Variants in FIGN observed in about 807,000 individuals in gnomAD.
FIGN encodes the protein fidgetin, microtubule severing factor.
In FIGN, 11 loss-of-function variants were observed where a neutral mutation model predicts 51.3. That is an observed-to-expected ratio of 0.21 (90% confidence interval 0.13 to 0.35). FIGN has a LOEUF of 0.35. FIGN is among the 10% of genes least tolerant of loss of function. The pLI is 1.00. For synonymous variants in FIGN, 407 were observed against 363.2 expected (o/e 1.12, Z -1.37); for missense variants, 857 against 943.6 (o/e 0.91, Z 1.20).
Position 163,611,509 on chromosome 2 carries a change from G to C in FIGN, c.323C>G (p.Pro108Arg). 16 of 1,614,176 alleles carry C rather than the reference G, an allele frequency of 9.9e-6. No individual in the cohort carries two copies. Among genetic ancestry groups the C allele is most frequent in the Non-Finnish European group, 1.4e-5 (16 of 1,180,036 alleles). ...TTCTGAATTCAAGGAAGGCTGCCAG[G>C]GTTCACTTTCATTTTTCCGACCGTT... ...LVNGRKNESE[P>R]WQPSLNSEAV... Residue 108 changes from proline (P) to arginine (R), a missense_variant, in exon 3 of 3, where the codon CCC (proline) becomes CGC (arginine). Coordinates refer to ENST00000333129, the MANE Select transcript of FIGN (RefSeq NM_018086.4).
chr2:163,670,541 G>A, intron 2 of FIGN, among the ~76,000 whole-genome samples: 1 of 152,126 alleles, frequency 6.6e-6, no homozygotes, highest in South Asian at 2.1e-4. Context: ...CTTTTCCAGT[G>A]TTTAGCTTAT....
intron 2 of FIGN, among the ~76,000 whole-genome samples, chr2:163,728,435 CACA>C (rs1425661511): frequency 8.1e-6 from 1 of 123,320 alleles, no homozygotes; most frequent in Non-Finnish European, 1.8e-5. Flanking sequence ...CACACACACA[CACA>C]AAGTTCCTTT....
At chr2:163,645,385 T>C (rs1244964698) in intron 2 of FIGN, among the ~76,000 whole-genome samples, 1 of 152,138 alleles carries the variant, frequency 6.6e-6, no homozygotes, top group East Asian at 1.9e-4. Flanking sequence ...AAAACCTCTA[T>C]TTGAACCCTA....
intron 2 of FIGN, among the ~76,000 whole-genome samples, chr2:163,636,364 C>T (rs1482403810): frequency 6.6e-6 from 1 of 152,208 alleles, no homozygotes; most frequent in Non-Finnish European, 1.5e-5. Context: ...TGGCTCACCG[C>T]AACCTCTGCC....
At chr2:163,707,963 A>T (rs901858647) in intron 2 of FIGN, among the ~76,000 whole-genome samples, 1 of 152,182 alleles carries the variant, frequency 6.6e-6, no homozygotes, top group African/African-American at 2.4e-5. Context: ...TTTAAGCCAC[A>T]TTGTGATATC....
At chr2:163,711,566 G>A (rs1279940024) in intron 2 of FIGN, among the ~76,000 whole-genome samples, 2 of 150,362 alleles carry the variant, frequency 1.3e-5, no homozygotes, top group Non-Finnish European at 2.9e-5. Flanking sequence ...TCATTTGTGC[G>A]CCATGTAACC....
chr2:163,646,520 T>G (rs1425732124), intron 2 of FIGN, among the ~76,000 whole-genome samples: 2 of 152,138 alleles, frequency 1.3e-5, no homozygotes, highest in Admixed American at 6.5e-5. Flanking sequence ...AATCTCAAGA[T>G]TTTACCTGAT....
intron 2 of FIGN, among the ~76,000 whole-genome samples, chr2:163,724,980 AATATCATTCTGTGTAACAACC>A (rs1175036322): frequency 6.6e-6 from 1 of 152,144 alleles, no homozygotes; most frequent in Non-Finnish European, 1.5e-5. Flanking sequence ...CAAAATTGCC[AATATCATTCTGTGTAACAACC>A]ACATGAAAAC....
At chr2:163,634,413 TC>T (rs1334912902) in intron 2 of FIGN, among the ~76,000 whole-genome samples, 1 of 152,142 alleles carries the variant, frequency 6.6e-6, no homozygotes, top group Non-Finnish European at 1.5e-5. Context: ...ATACTTTATA[TC>T]TTTGTATATG....
At chr2:163,613,470 T>C (rs765347850) in intron 2 of FIGN, among the ~76,000 whole-genome samples, 1 of 152,120 alleles carries the variant, frequency 6.6e-6, no homozygotes, top group Non-Finnish European at 1.5e-5. Flanking sequence ...TGCCTGACTC[T>C]GGCTTCTGAC....
chr2:163,704,660 A>C (rs2015058), intron 2 of FIGN, among the ~76,000 whole-genome samples: 1 of 68,216 alleles, frequency 1.5e-5, no homozygotes, highest in Non-Finnish European at 3.0e-5. Context: ...TCTCTCTCAC[A>C]CACACACACA....
intron 2 of FIGN, among the ~76,000 whole-genome samples, chr2:163,680,717 C>T (rs1318168231): frequency 6.6e-6 from 1 of 151,984 alleles, no homozygotes; most frequent in Admixed American, 6.6e-5. Flanking sequence ...CCAATCTTCC[C>T]CCTCCCCAGA....
At chr2:163,725,619 G>A (rs1046034501) in intron 2 of FIGN, among the ~76,000 whole-genome samples, 1 of 151,848 alleles carries the variant, frequency 6.6e-6, no homozygotes, top group Admixed American at 6.6e-5. Context: ...TATATTATAT[G>A]TTGTACTGTC....
intron 2 of FIGN, among the ~76,000 whole-genome samples, chr2:163,665,360 T>C (rs1325107149): frequency 1.3e-5 from 2 of 152,268 alleles, no homozygotes; most frequent in Non-Finnish European, 2.9e-5. Context: ...TTCTGAGGGA[T>C]AGTAAACATT....
intron 2 of FIGN, among the ~76,000 whole-genome samples, chr2:163,643,596 A>G (rs1683336443): frequency 6.6e-6 from 1 of 150,938 alleles, no homozygotes; most frequent in Admixed American, 6.6e-5. Context: ...GTGGGTAGTG[A>G]GCCAAGATCA....
rs79726998 is a variant in FIGN at position 163,723,636 on chromosome 2, C to A, written c.25+11267G>T. 7.2e-3 allele frequency among the ~76,000 whole-genome samples: 1,093 copies of A among 152,216 alleles called. 12 individuals are homozygous for A. Among genetic ancestry groups the A allele is most frequent in the African/African-American group, 0.025 (1,027 of 41,504 alleles). On this transcript the variant is annotated intron_variant, in intron 2 of 2. Coordinates refer to ENST00000333129, the MANE Select transcript of FIGN (RefSeq NM_018086.4). ...AAAGAAGGTGGACAAAGACTAGTTGCTGATAAAGTACAGGAAAAAAGTATT... is the reference window on the plus strand; with the variant it reads ...AAAGAAGGTGGACAAAGACTAGTTGATGATAAAGTACAGGAAAAAAGTATT...
intron 2 of FIGN, among the ~76,000 whole-genome samples, chr2:163,646,994 A>G (rs1341466809): frequency 6.6e-6 from 1 of 152,240 alleles, no homozygotes; most frequent in East Asian, 1.9e-4. Flanking sequence ...GTATAGATAC[A>G]GGCTTCCCTG....
chr2:163,685,617 A>G (rs974195166), intron 2 of FIGN, among the ~76,000 whole-genome samples: 5 of 152,204 alleles, frequency 3.3e-5, no homozygotes, highest in Admixed American at 6.5e-5. Context: ...CAGCTCATCA[A>G]TCAGAAGGCT....
At chr2:163,639,115 C>T (rs1683269162) in intron 2 of FIGN, among the ~76,000 whole-genome samples, 2 of 152,032 alleles carry the variant, frequency 1.3e-5, no homozygotes, top group South Asian at 4.1e-4. Context: ...AGGTGGACAA[C>T]AAAAATATAT....
Sources: gnomAD v4.1 joint callset for allele counts (sites outside exome capture counted in the v4.1 genomes callset) on GRCh38, gnomAD v4.1.1 for gene constraint, MANE v1.5 for transcripts, NCBI Gene and HGNC (gene_info 2026-07-23, HGNC 2026-07-21) for gene names.